Variants in ATXN7L1 observed in about 807,000 individuals in gnomAD.
The protein encoded by ATXN7L1 is ataxin-7-like protein 1.
In ATXN7L1, 15 loss-of-function variants were observed where a neutral mutation model predicts 70.8. That is an observed-to-expected ratio of 0.21 (90% CI 0.14 to 0.33). The LOEUF is 0.33. Among genes scored for constraint, ATXN7L1 ranks in the 10% least tolerant of loss-of-function variants. The pLI, the probability that ATXN7L1 is intolerant of heterozygous loss-of-function variation, is 1.00. For missense variants in ATXN7L1, 975 were observed against 1,097.1 expected (o/e 0.89, Z 1.57); for synonymous variants, 440 against 445.1 (o/e 0.99, Z 0.14).
chr7:105,754,899 C>T (rs1260536936), intron 3 of ATXN7L1, among the ~76,000 whole-genome samples: 1 of 152,184 alleles, frequency 6.6e-6, no homozygotes, highest in Non-Finnish European at 1.5e-5. Context: ...CTGTTTCTTC[C>T]CAAACATGAC....
At chr7:105,759,435 C>T (rs1800233289) in intron 3 of ATXN7L1, among the ~76,000 whole-genome samples, 1 of 142,954 alleles carries the variant, frequency 7.0e-6, no homozygotes, top group South Asian at 2.4e-4. Context: ...AGAAGACTGG[C>T]AGCTTGGATA....
intron 2 of ATXN7L1, among the ~76,000 whole-genome samples, chr7:105,820,677 T>C (rs2116564400): frequency 6.6e-6 from 1 of 152,196 alleles, no homozygotes; most frequent in East Asian, 1.9e-4. Context: ...CACCTTGATA[T>C]GGTTTGGATG....
chr7:105,610,180 T>C (rs978824487), intron 11 of ATXN7L1, among the ~76,000 whole-genome samples: 11 of 152,218 alleles, frequency 7.2e-5, no homozygotes, highest in Non-Finnish European at 1.3e-4. Flanking sequence ...AGAGAGGTAA[T>C]GTGCGTACGC....
At chr7:105,859,787 T>C (rs1387312902) in intron 2 of ATXN7L1, among the ~76,000 whole-genome samples, 229 of 147,772 alleles carry the variant, frequency 1.5e-3, no homozygotes, top group Non-Finnish European at 2.4e-3. Context: ...TCTTTCTTTT[T>C]TTTTTTTTTT....
At chr7:105,765,291 G>A (rs59878806) in intron 3 of ATXN7L1, among the ~76,000 whole-genome samples, 6,350 of 149,738 alleles carry the variant, frequency 0.042, 235 homozygotes, top group South Asian at 0.14. Flanking sequence ...CAGAGGTGGC[G>A]CCACTGCACT....
At chr7:105,843,991 G>A (rs892988151) in intron 2 of ATXN7L1, among the ~76,000 whole-genome samples, 1 of 152,198 alleles carries the variant, frequency 6.6e-6, no homozygotes, top group Middle Eastern at 3.2e-3. Context: ...GATCTACTGA[G>A]CTGGATGTCC....
At chr7:105,751,215 G>C (rs981257758) in intron 3 of ATXN7L1, among the ~76,000 whole-genome samples, 3 of 152,188 alleles carry the variant, frequency 2.0e-5, no homozygotes. Context: ...GGATGGATGG[G>C]AAGGTGGGAG....
chr7:105,797,217 A>G (rs1806126015), intron 2 of ATXN7L1, among the ~76,000 whole-genome samples: 1 of 152,220 alleles, frequency 6.6e-6, no homozygotes, highest in South Asian at 2.1e-4. Context: ...CTAGGCTGGA[A>G]GGCATCCCCT....
intron 3 of ATXN7L1, among the ~76,000 whole-genome samples, chr7:105,669,952 G>T (rs1803287645): frequency 6.6e-6 from 1 of 151,864 alleles, no homozygotes; most frequent in Non-Finnish European, 1.5e-5. Context: ...TAAAGTGGAG[G>T]GACCAATAGA....
intron 3 of ATXN7L1, among the ~76,000 whole-genome samples, chr7:105,711,041 C>T (rs772345636): frequency 1.3e-5 from 2 of 152,164 alleles, no homozygotes; most frequent in African/African-American, 2.4e-5. Context: ...ATCACGAGAA[C>T]AGCATGGGGG....
intron 2 of ATXN7L1, among the ~76,000 whole-genome samples, chr7:105,857,498 C>T (rs377420754): frequency 9.8e-5 from 15 of 152,316 alleles, no homozygotes; most frequent in East Asian, 1.9e-4. Context: ...TCACTTTCTA[C>T]GCAGTCAGCA....
intron 7 of ATXN7L1, among the ~76,000 whole-genome samples, chr7:105,637,171 C>T (rs977046650): frequency 6.6e-6 from 1 of 152,294 alleles, no homozygotes; most frequent in Admixed American, 6.5e-5. Flanking sequence ...CTCCTGAATG[C>T]CTGAGGCTGA....
chr7:105,833,020 C>T (rs1285429164), intron 2 of ATXN7L1, among the ~76,000 whole-genome samples: 1 of 152,156 alleles, frequency 6.6e-6, no homozygotes, highest in East Asian at 1.9e-4. Flanking sequence ...GAAATCAGAC[C>T]ATGTCTCTCC....
In ATXN7L1 at chr7:105,613,486, C is replaced by T. The variant is rs574221725; in HGVS notation, c.2472+376G>A. ...CAGATCAAACCTCTTAGCAACAGAA[C>T]TCTTTAATGACAATGTTCTCAGAAC... On this transcript the variant is annotated intron_variant, in intron 10 of 11. Transcript: ENST00000419735. The T allele has an allele frequency of 2.5e-3, 2,807 of 1,113,318 alleles. 6 individuals are homozygous for T. The highest frequency in any genetic ancestry group is 2.9e-3 in the Non-Finnish European group (2,670 of 905,888). The allele number at this position is 1,113,318 out of a possible 1,614,324, so 69.0% of individuals were successfully genotyped here.
At chr7:105,741,823 G>A (rs184017567) in intron 3 of ATXN7L1, among the ~76,000 whole-genome samples, 5 of 152,266 alleles carry the variant, frequency 3.3e-5, no homozygotes, top group Admixed American at 3.3e-4. Context: ...CATGCACAGC[G>A]AGAGCACCTG....
At chr7:105,789,839 C>T (rs1250907175) in intron 2 of ATXN7L1, among the ~76,000 whole-genome samples, 2 of 151,932 alleles carry the variant, frequency 1.3e-5, no homozygotes, top group East Asian at 1.9e-4. Context: ...GCAATACCTC[C>T]GAGACAATGA....
At chr7:105,777,975 G>C (rs1162371894) in intron 3 of ATXN7L1, among the ~76,000 whole-genome samples, 1 of 152,128 alleles carries the variant, frequency 6.6e-6, no homozygotes, top group Admixed American at 6.5e-5. Context: ...TCATGTATTT[G>C]TTTATGTTAT....
At chr7:105,868,179 T>C (rs1293488380) in intron 2 of ATXN7L1, among the ~76,000 whole-genome samples, 2 of 152,178 alleles carry the variant, frequency 1.3e-5, no homozygotes, top group Non-Finnish European at 2.9e-5. Flanking sequence ...TAAAATTTCC[T>C]CTGGGAGGCC....
intron 4 of ATXN7L1, among the ~76,000 whole-genome samples, chr7:105,647,376 G>A (rs1799201032): frequency 6.6e-6 from 1 of 152,196 alleles, no homozygotes. Flanking sequence ...GGCTGGGTAC[G>A]GTGACTCACG....
Sources: allele counts gnomAD v4.1 joint callset (sites outside exome capture counted in the v4.1 genomes callset), GRCh38; gene constraint gnomAD v4.1.1; transcripts MANE v1.5; gene names NCBI Gene and HGNC (gene_info 2026-07-23, HGNC 2026-07-21).